The following CALCRL variants were observed in gnomAD, a reference collection of about 807,000 sequenced individuals.
CALCRL encodes calcitonin gene-related peptide type 1 receptor.
Under a neutral mutation model 60.4 loss-of-function variants are expected in CALCRL, and 27 were observed. The observed-to-expected ratio is 0.45, with a 90% CI of 0.33 to 0.62. The LOEUF (loss-of-function observed/expected upper bound fraction) is 0.62. Ranked by LOEUF, CALCRL falls within the 20% of genes least tolerant of loss-of-function variation. CALCRL has a pLI of 0.03. For synonymous variants in CALCRL, 190 were observed against 182.6 expected, an observed-to-expected ratio of 1.04 and a Z score of -0.33; for missense variants, 424 against 540.7, an observed-to-expected ratio of 0.78 and a Z score of 2.14.
chr2:187,404,558 A>T (rs1689034133), intron 1 of CALCRL, among the ~76,000 whole-genome samples: 1 of 150,788 alleles, frequency 6.6e-6, no homozygotes. Flanking sequence ...TATCTTGGTC[A>T]TTTCAAAATG....
chr2:187,411,035 A>G (rs1487960542), intron 1 of CALCRL, among the ~76,000 whole-genome samples: 1 of 152,176 alleles, frequency 6.6e-6, no homozygotes, highest in Non-Finnish European at 1.5e-5. Context: ...AAGGAATTGC[A>G]TGAAATAAAA....
chr2:187,373,847 G>C (rs1441162453), intron 8 of CALCRL, among the ~76,000 whole-genome samples: 2 of 152,126 alleles, frequency 1.3e-5, no homozygotes, highest in African/African-American at 4.8e-5. Flanking sequence ...TGGAATTTGA[G>C]ACCAATACTG....
intron 1 of CALCRL, among the ~76,000 whole-genome samples, chr2:187,432,964 T>C (rs543983787): frequency 1.5e-4 from 23 of 152,176 alleles, no homozygotes; most frequent in African/African-American, 5.1e-4. Context: ...AGCCTAGATG[T>C]GTAGTAGGCT....
chr2:187,404,890 C>G (rs1182743822), intron 1 of CALCRL, among the ~76,000 whole-genome samples: 1 of 151,458 alleles, frequency 6.6e-6, no homozygotes, highest in Non-Finnish European at 1.5e-5. Context: ...GGGACTTGTA[C>G]CAGAGGAAAA....
At chr2:187,363,272 T>G in intron 9 of CALCRL, 104 bp downstream of exon 9, 1 of 1,091,474 alleles carries the variant, frequency 9.2e-7, no homozygotes, top group Non-Finnish European at 1.3e-6. Flanking sequence ...GACTTGAAAA[T>G]ATACATATAT....
intron 3 of CALCRL, 35 bp downstream of exon 3, chr2:187,387,294 A>C (rs1331092850): frequency 6.5e-6 from 1 of 153,352 alleles, no homozygotes; most frequent in Non-Finnish European, 1.5e-5. Flanking sequence ...GTCACACACA[A>C]TTTGTGCCAT....
intron 12 of CALCRL, among the ~76,000 whole-genome samples, chr2:187,354,076 C>G (rs1686660622): frequency 6.6e-6 from 1 of 151,882 alleles, no homozygotes; most frequent in Non-Finnish European, 1.5e-5. Context: ...GTAAATATTT[C>G]CATTTACTAT....
At chr2:187,400,971 G>A (rs1294417479) in intron 1 of CALCRL, among the ~76,000 whole-genome samples, 1 of 151,438 alleles carries the variant, frequency 6.6e-6, no homozygotes, top group Non-Finnish European at 1.5e-5. Flanking sequence ...GTACTACCTT[G>A]AGAATATATA....
chr2:187,370,624 T>G (rs1426006015), intron 8 of CALCRL, among the ~76,000 whole-genome samples: 1 of 152,158 alleles, frequency 6.6e-6, no homozygotes, highest in East Asian at 1.9e-4. Context: ...AAGTCCAAAT[T>G]ATCTAATTCA....
At chr2:187,362,164 A>G (rs530942260) in intron 9 of CALCRL, among the ~76,000 whole-genome samples, 17 of 152,174 alleles carry the variant, frequency 1.1e-4, no homozygotes, top group Admixed American at 3.9e-4. Flanking sequence ...CATTAGTAAC[A>G]GAGACAAAAC....
At chr2:187,351,639 T>C (rs187132101) in intron 14 of CALCRL, among the ~76,000 whole-genome samples, 156 of 151,976 alleles carry the variant, frequency 1.0e-3, no homozygotes, top group Middle Eastern at 6.8e-3. Flanking sequence ...AAGCTCAGAC[T>C]TAATGGGACT....
intron 1 of CALCRL, among the ~76,000 whole-genome samples, chr2:187,388,312 T>C (rs1209454377): frequency 2.6e-5 from 4 of 152,146 alleles, no homozygotes; most frequent in East Asian, 1.9e-4. Context: ...GGTTTTTATT[T>C]TTTTGTACAC....
Position 187,383,247 on chromosome 2 carries a change from G to C in CALCRL, c.110C>G (p.Thr37Ser). Residue 37 changes from threonine (T) to serine (S), a missense_variant, in exon 5 of 15, where the codon ACT becomes AGT. Physicochemically the swap from Thr to Ser is moderately conservative, Grantham distance 58. Around this residue, in one of 7 missense-constraint regions of CALCRL, gnomAD observed 108 missense variants for 132.9 expected, o/e 0.81. Coordinates refer to ENST00000392370, the MANE Select transcript of CALCRL (RefSeq NM_005795.6). ...TTGAGCTGTCATGATTTTATTTCTA[G>C]TAACTCCCAACTGAATTGAGTCCTC... Reference protein sequence around the residue: ...SPEDSIQLGVTRNKIMTAQYE... With the variant: ...SPEDSIQLGVSRNKIMTAQYE... 1 of 1,611,972 alleles carries C rather than the reference G, an allele frequency of 6.2e-7. No homozygotes were observed. Among genetic ancestry groups the C allele is most frequent in the Non-Finnish European group, 8.5e-7 (1 of 1,179,140 alleles).
At position 187,344,834 on chromosome 2, in the gene CALCRL, A is replaced by G. The variant is rs913675324; in HGVS notation, c.*1350T>C. On this transcript the variant is annotated 3_prime_UTR_variant, in exon 15 of 15. Coordinates refer to ENST00000392370, the MANE Select transcript of CALCRL (RefSeq NM_005795.6). ...CAGTAAAGTAATATTTTAATGGGGT[A>G]AAATCTATAAAAGTAGCAGATTGGT... 3.3e-5 allele frequency: 5 copies of G among 151,746 alleles called. No individual in the cohort carries two copies. Among genetic ancestry groups the G allele is most frequent in the Non-Finnish European group, 7.4e-5 (5 of 67,742 alleles). 9.4% of individuals were successfully genotyped at this position (151,746 alleles called of 1,614,324 possible). A position where few individuals can be genotyped will look rare whatever the true frequency, so the allele number is the denominator to read the frequency against.
intron 1 of CALCRL, among the ~76,000 whole-genome samples, chr2:187,445,766 C>A (rs551755170): frequency 6.6e-6 from 1 of 151,224 alleles, no homozygotes; most frequent in Non-Finnish European, 1.5e-5. Flanking sequence ...ATAATATGTG[C>A]AGGTGAACAT....
chr2:187,424,733 A>C (rs916741557), intron 1 of CALCRL, among the ~76,000 whole-genome samples: 4 of 151,990 alleles, frequency 2.6e-5, no homozygotes, highest in Admixed American at 2.6e-4. Context: ...TGATAGGTAT[A>C]AATGAATTGT....
At chr2:187,358,605 G>A in intron 12 of CALCRL, among the ~76,000 whole-genome samples, 1 of 146,022 alleles carries the variant, frequency 6.8e-6, no homozygotes, top group Non-Finnish European at 1.5e-5. Flanking sequence ...AGACTTCCTT[G>A]CCCTGAGACA....
At chr2:187,369,289 T>C (rs753407685) in intron 8 of CALCRL, among the ~76,000 whole-genome samples, 3 of 152,164 alleles carry the variant, frequency 2.0e-5, no homozygotes, top group Non-Finnish European at 4.4e-5. Context: ...GAAGAAAGTC[T>C]TTCTGAATAC....
chr2:187,424,211 A>C (rs555143127), intron 1 of CALCRL, among the ~76,000 whole-genome samples: 2 of 152,176 alleles, frequency 1.3e-5, no homozygotes, highest in Admixed American at 1.3e-4. Flanking sequence ...AGGCTTATTG[A>C]ATCAAGCTTT....
Sources: gnomAD v4.1 joint callset for allele counts (sites outside exome capture counted in the v4.1 genomes callset) on GRCh38, gnomAD v4.1.1 for gene constraint, gnomAD v4.1.1 regional missense constraint, MANE v1.5 for transcripts, NCBI Gene and HGNC (gene_info 2026-07-23, HGNC 2026-07-21) for gene names.